The following CAPZB variants were observed in gnomAD, a reference collection of about 807,000 sequenced individuals.
CAPZB encodes F-actin-capping protein subunit beta.
CAPZB carries 2 observed loss-of-function variants against 38.1 expected under a neutral mutation model. The observed-to-expected ratio is 0.05, with a 90% CI of 0.02 to 0.17. CAPZB has a LOEUF of 0.17. Ranked by LOEUF, CAPZB falls within the 10% of genes least tolerant of loss-of-function variation. CAPZB has a pLI of 1.00. For synonymous variants in CAPZB, 107 were observed against 127.4 expected, an observed-to-expected ratio of 0.84 and a Z score of 1.08; for missense variants, 161 against 334.2, an observed-to-expected ratio of 0.48 and a Z score of 4.04.
intron 3 of CAPZB, among the ~76,000 whole-genome samples, chr1:19,381,132 G>A (rs945646301): frequency 1.3e-5 from 2 of 152,034 alleles, no homozygotes; most frequent in African/African-American, 4.8e-5. Flanking sequence ...TCGCGCCACT[G>A]CACTCCAGCC....
chr1:19,464,943 GA>G (rs974674825), intron 1 of CAPZB, among the ~76,000 whole-genome samples: 3 of 152,274 alleles, frequency 2.0e-5, no homozygotes, highest in African/African-American at 7.2e-5. Context: ...TTAGGGTGAG[GA>G]AACTGTTCTA....
At chr1:19,345,713 G>A (rs1379885214) in intron 6 of CAPZB, among the ~76,000 whole-genome samples, 1 of 152,276 alleles carries the variant, frequency 6.6e-6, no homozygotes, top group African/African-American at 2.4e-5. Context: ...CCAAATGGTG[G>A]CTTTGGGGTG....
intron 1 of CAPZB, among the ~76,000 whole-genome samples, chr1:19,455,440 T>C (rs2094530019): frequency 6.6e-6 from 1 of 152,220 alleles, no homozygotes; most frequent in Non-Finnish European, 1.5e-5. Context: ...GGATAAGACA[T>C]GCAGGCCTCC....
At chr1:19,409,577 G>C (rs10158076) in intron 2 of CAPZB, among the ~76,000 whole-genome samples, 1,601 of 152,300 alleles carry the variant, frequency 0.011, 34 homozygotes, top group East Asian at 0.099. Context: ...TGGTAGTTAA[G>C]AGCCCCGGAG....
chr1:19,447,272 CTTTTTTTTTTT>C (rs35692222), intron 1 of CAPZB, among the ~76,000 whole-genome samples: 4 of 74,876 alleles, frequency 5.3e-5, no homozygotes, highest in Non-Finnish European at 9.5e-5. Flanking sequence ...CAGACCTAAT[CTTTTTTTTTTT>C]TTTTTTTTTT....
chr1:19,464,021 A>T (rs2094560879), intron 1 of CAPZB, among the ~76,000 whole-genome samples: 1 of 10,220 alleles, frequency 9.8e-5, no homozygotes, highest in Non-Finnish European at 2.2e-4. Context: ...CTAAAAATAC[A>T]AAAAAAAAAA....
At chr1:19,439,536 C>A (rs1333448537) in intron 1 of CAPZB, among the ~76,000 whole-genome samples, 1 of 152,212 alleles carries the variant, frequency 6.6e-6, no homozygotes, top group Non-Finnish European at 1.5e-5. Context: ...CCCCAGTCAG[C>A]CTGTGTCACG....
chr1:19,444,305 C>A (rs984140721), intron 1 of CAPZB, among the ~76,000 whole-genome samples: 6 of 152,210 alleles, frequency 3.9e-5, no homozygotes, highest in South Asian at 2.1e-4. Context: ...CTCCATCAGT[C>A]TGCAACACCC....
Position 19,376,629 on chromosome 1 carries a change from C to T in CAPZB, c.329+1911G>A, listed in dbSNP as rs56753281. On this transcript the variant is annotated intron_variant, in intron 4 of 8. Coordinates refer to ENST00000264202, the MANE Select transcript of CAPZB (RefSeq NM_004930.5). The stretch of plus-strand genomic sequence containing the variant: ...CTCAGTCAAGTGTCTCCTCAAGAGG[C>T]CTCATGGGCCACTCTACATAACAAG... Among the ~76,000 whole-genome samples, 1,502 of 152,312 alleles carry T rather than the reference C, an allele frequency of 9.9e-3. 63 individuals are homozygous for T. In the East Asian group the frequency reaches 0.13, roughly 14 times the overall value.
At chr1:19,463,879 TA>T (rs1285557857) in intron 1 of CAPZB, among the ~76,000 whole-genome samples, 1 of 152,056 alleles carries the variant, frequency 6.6e-6, no homozygotes, top group Admixed American at 6.6e-5. Context: ...TTGTTATGCC[TA>T]AAGAAATGAG....
intron 1 of CAPZB, among the ~76,000 whole-genome samples, chr1:19,473,630 G>C (rs1246118196): frequency 6.6e-6 from 1 of 152,176 alleles, no homozygotes; most frequent in African/African-American, 2.4e-5. Context: ...TTGGGAGGCC[G>C]AGGCAGGTGG....
intron 1 of CAPZB, among the ~76,000 whole-genome samples, chr1:19,481,329 C>T (rs2094627671): frequency 2.0e-5 from 3 of 152,298 alleles, no homozygotes; most frequent in East Asian, 3.9e-4. Flanking sequence ...AATTCCACAC[C>T]GCACCCTCAC....
At chr1:19,396,258 T>C (rs1219638765) in intron 2 of CAPZB, among the ~76,000 whole-genome samples, 1 of 152,116 alleles carries the variant, frequency 6.6e-6, no homozygotes, top group African/African-American at 2.4e-5. Flanking sequence ...GGTGGGATGG[T>C]GTGGGATGGT....
At chr1:19,393,268 G>C (rs1017246710) in intron 2 of CAPZB, among the ~76,000 whole-genome samples, 1 of 152,192 alleles carries the variant, frequency 6.6e-6, no homozygotes, top group Non-Finnish European at 1.5e-5. Flanking sequence ...AGTCACACCC[G>C]GGTGGCCAAG....
In CAPZB at chr1:19,448,797, GCTC is replaced by G. The variant is rs765135411; in HGVS notation, c.4-29050_4-29048del. The G allele has an allele frequency of 9.9e-6, 16 of 1,611,486 alleles. No individual in the cohort carries two copies. In the East Asian group the frequency reaches 3.6e-4, roughly 36 times the overall value. On this transcript the variant is annotated intron_variant, in intron 1 of 8. Transcript: ENST00000264202. The stretch of plus-strand genomic sequence containing the variant: ...ACCCTGATGGCCACGGCCACCTGTT[GCTC>G]CTCCTCCCCCCTCAGATCTAAAGTG...
At chr1:19,359,210 C>CTTTTTTTTTTTTTT (rs57251931) in intron 4 of CAPZB, among the ~76,000 whole-genome samples, 1 of 114,412 alleles carries the variant, frequency 8.7e-6, no homozygotes, top group Non-Finnish European at 1.7e-5. Context: ...TCTCTGTACT[C>CTTTTTTTTTTTTTT]TTTTTTTTTT....
intron 2 of CAPZB, among the ~76,000 whole-genome samples, chr1:19,408,043 T>C (rs2094340726): frequency 6.6e-6 from 1 of 152,204 alleles, no homozygotes. Flanking sequence ...CTCATGACTA[T>C]CTACAAGGCC....
intron 2 of CAPZB, among the ~76,000 whole-genome samples, chr1:19,416,536 C>T (rs1355515475): frequency 5.9e-5 from 9 of 152,108 alleles, no homozygotes; most frequent in African/African-American, 2.2e-4. Context: ...GGCAGGTATT[C>T]AACACGTCAG....
chr1:19,345,716 T>C (rs1427158465), intron 6 of CAPZB, among the ~76,000 whole-genome samples: 1 of 152,216 alleles, frequency 6.6e-6, no homozygotes, highest in African/African-American at 2.4e-5. Flanking sequence ...AATGGTGGCT[T>C]TGGGGTGCCA....
Sources: gnomAD v4.1 joint callset for allele counts (sites outside exome capture counted in the v4.1 genomes callset) on GRCh38, gnomAD v4.1.1 for gene constraint, MANE v1.5 for transcripts, NCBI Gene and HGNC (gene_info 2026-07-23, HGNC 2026-07-21) for gene names.